Variants in DOCK3 observed in about 807,000 individuals in gnomAD.
DOCK3 encodes dedicator of cytokinesis 3.
In DOCK3, 60 loss-of-function variants were observed where a neutral mutation model predicts 265.6. The ratio of observed to expected loss-of-function variants is 0.23; its 90% CI spans 0.18 to 0.28. The LOEUF is 0.28. DOCK3 is among the 10% of genes least tolerant of loss of function. The probability of loss-of-function intolerance (pLI) is 1.00; values close to 1 mark genes in which losing one functional copy is unlikely to be tolerated. For synonymous variants in DOCK3, 881 were observed against 938.0 expected (o/e 0.94, Z 1.11); for missense variants, 1,981 against 2,594.3 (o/e 0.76, Z 5.14).
intron 1 of DOCK3, among the ~76,000 whole-genome samples, chr3:50,730,642 A>G (rs1489504749): frequency 1.3e-5 from 2 of 151,072 alleles, no homozygotes; most frequent in Non-Finnish European, 2.9e-5. Flanking sequence ...AGCCTGGCCA[A>G]CATAGTGTCT....
chr3:51,138,848 G>T (rs564781645), intron 9 of DOCK3, among the ~76,000 whole-genome samples: 1 of 152,282 alleles, frequency 6.6e-6, no homozygotes, highest in African/African-American at 2.4e-5. Context: ...TCATGTATCT[G>T]TGAAGGCATA....
intron 38 of DOCK3, among the ~76,000 whole-genome samples, chr3:51,346,895 A>G (rs1294627117): frequency 1.8e-4 from 27 of 149,358 alleles, no homozygotes; most frequent in East Asian, 5.9e-4. Flanking sequence ...GCCAGTGATG[A>G]TGAGCATTTT....
chr3:51,302,132 A>G (rs2082392741), intron 27 of DOCK3, among the ~76,000 whole-genome samples: 2 of 152,186 alleles, frequency 1.3e-5, no homozygotes, highest in Admixed American at 6.5e-5. Flanking sequence ...GGATGCATAT[A>G]TATTTAGGAT....
intron 9 of DOCK3, among the ~76,000 whole-genome samples, chr3:51,145,791 T>C (rs1438231218): frequency 1.3e-5 from 2 of 152,154 alleles, no homozygotes; most frequent in Non-Finnish European, 2.9e-5. Context: ...ACCAATTTCA[T>C]GGAAGCCAAT....
intron 12 of DOCK3, among the ~76,000 whole-genome samples, chr3:51,169,285 A>T (rs779861236): frequency 1.3e-5 from 2 of 152,198 alleles, no homozygotes; most frequent in East Asian, 1.9e-4. Context: ...ACACATGCAC[A>T]TGTATGTTCA....
intron 9 of DOCK3, among the ~76,000 whole-genome samples, chr3:51,133,454 G>C (rs543773024): frequency 6.6e-6 from 1 of 151,958 alleles, no homozygotes; most frequent in Non-Finnish European, 1.5e-5. Flanking sequence ...CAGAATGATC[G>C]TTTCCAGCTT....
chr3:51,102,679 G>A (rs775305332), intron 9 of DOCK3, among the ~76,000 whole-genome samples: 1 of 152,188 alleles, frequency 6.6e-6, no homozygotes, highest in South Asian at 2.1e-4. Flanking sequence ...GCCCTGAGAC[G>A]AGATGGCTCC....
intron 2 of DOCK3, among the ~76,000 whole-genome samples, chr3:50,782,237 G>A (rs2041949773): frequency 2.6e-5 from 4 of 151,104 alleles, no homozygotes; most frequent in Admixed American, 1.3e-4. Context: ...TTACACTCCT[G>A]CCTACAGTGT....
At chr3:50,808,675 G>A (rs538032887) in intron 2 of DOCK3, among the ~76,000 whole-genome samples, 1 of 152,260 alleles carries the variant, frequency 6.6e-6, no homozygotes, top group South Asian at 2.1e-4. Flanking sequence ...ATGTTCTTGT[G>A]GAAGCCATTC....
rs1279617877 is a variant in DOCK3 at position 50,873,827 on chromosome 3, C to T, written c.163-16199C>T. 3.9e-5 allele frequency among the ~76,000 whole-genome samples: 6 copies of T among 152,310 alleles called. No individual in the cohort carries two copies. The East Asian group carries it at 1.2e-3, about 29-fold the overall frequency. On this transcript the variant is annotated intron_variant, in intron 3 of 52. Transcript: ENST00000266037. ...GGTTTTTATTTCTGCTCTAATGGAA[C>T]AGCTTTGAGTTCAGTGCCTCCCAAT...
At chr3:50,737,089 A>T (rs1352689913) in intron 1 of DOCK3, among the ~76,000 whole-genome samples, 1 of 152,012 alleles carries the variant, frequency 6.6e-6, no homozygotes, top group East Asian at 1.9e-4. Flanking sequence ...TTCTTTGTAG[A>T]TTCTGGATAT....
At chr3:50,882,668 G>A (rs2048109196) in intron 3 of DOCK3, among the ~76,000 whole-genome samples, 1 of 152,154 alleles carries the variant, frequency 6.6e-6, no homozygotes, top group African/African-American at 2.4e-5. Context: ...CACTGTTGGT[G>A]GGACTGTAAA....
At chr3:50,934,218 T>A (rs770005048) in intron 5 of DOCK3, 141 bp downstream of exon 5, 16 of 630,626 alleles carry the variant, frequency 2.5e-5, no homozygotes, top group African/African-American at 3.7e-5. Context: ...TACTGAAACA[T>A]AGCAGACTGA....
chr3:51,254,524 G>C (rs1357224818), intron 22 of DOCK3, among the ~76,000 whole-genome samples: 2 of 152,156 alleles, frequency 1.3e-5, no homozygotes, highest in East Asian at 3.8e-4. Context: ...AGGTCTCTAA[G>C]GACTTGCTTT....
At chr3:51,332,218 G>C (rs2084569198) in intron 33 of DOCK3, among the ~76,000 whole-genome samples, 1 of 152,216 alleles carries the variant, frequency 6.6e-6, no homozygotes, top group Non-Finnish European at 1.5e-5. Flanking sequence ...CAGGAATAGG[G>C]TTGTATGGAG....
At chr3:50,676,705 A>G (rs1279681291) in intron 1 of DOCK3, among the ~76,000 whole-genome samples, 1 of 5,726 alleles carries the variant, frequency 1.7e-4, no homozygotes, top group Non-Finnish European at 3.3e-4. Flanking sequence ...GAGGAGCCCT[A>G]TTTTGGCGGG....
chr3:51,354,859 G>T (rs757614482), intron 40 of DOCK3, 23 bp from the exon 41 acceptor site: 9 of 1,611,076 alleles, frequency 5.6e-6, no homozygotes, highest in Non-Finnish European at 6.8e-6. Flanking sequence ...CATACATAGA[G>T]TGTGCTCTTC....
At chr3:50,794,431 T>A (rs1386550261) in intron 2 of DOCK3, among the ~76,000 whole-genome samples, 1 of 152,216 alleles carries the variant, frequency 6.6e-6, no homozygotes, top group Admixed American at 6.5e-5. Context: ...TAGGTGCATA[T>A]ATATTTAGGA....
intron 5 of DOCK3, among the ~76,000 whole-genome samples, chr3:51,035,245 A>T (rs2080221599): frequency 6.6e-6 from 1 of 151,900 alleles, no homozygotes; most frequent in African/African-American, 2.4e-5. Flanking sequence ...TATGTTAGAT[A>T]TTTTAAATTT....
Sources: gnomAD v4.1 joint callset for allele counts (sites outside exome capture counted in the v4.1 genomes callset) on GRCh38, gnomAD v4.1.1 for gene constraint, MANE v1.5 for transcripts, NCBI Gene and HGNC (gene_info 2026-07-23, HGNC 2026-07-21) for gene names.